Variants in NPAS3 observed in about 807,000 individuals in gnomAD.
NPAS3 encodes neuronal PAS domain-containing protein 3.
In NPAS3, 14 loss-of-function variants were observed where a neutral mutation model predicts 73.1. That is an observed-to-expected ratio of 0.19 (90% CI 0.13 to 0.30). The LOEUF (loss-of-function observed/expected upper bound fraction) is 0.30. NPAS3 is among the 10% of genes least tolerant of loss of function. NPAS3 has a pLI of 1.00. For missense variants in NPAS3, 1,096 were observed against 1,250.0 expected (o/e 0.88, Z 1.86); for synonymous variants, 620 against 541.5 (o/e 1.14, Z -2.01).
intron 3 of NPAS3, among the ~76,000 whole-genome samples, chr14:33,300,434 C>A (rs1417904432): frequency 6.6e-6 from 1 of 152,248 alleles, no homozygotes. Context: ...AACAAAACTA[C>A]TGTGATTGAA....
Position 33,335,037 on chromosome 14 carries a change from T to TGC in NPAS3, c.386-32148_386-32147insCG, listed in dbSNP as rs1555375980. ...TGGCTTAGTGGTATTCCATTGTGTG[T>TGC]GTGTGCGTGTGTGTGTGTGTGTGTG... On this transcript the variant is annotated intron_variant, in intron 3 of 11. Transcript: ENST00000356141. Among the ~76,000 whole-genome samples, 25 of 126,096 alleles carry TGC rather than the reference T, an allele frequency of 2.0e-4. No homozygotes were observed. In the East Asian group the frequency reaches 4.2e-3, roughly 21 times the overall value. The allele number at this position is 126,096 out of a possible 152,430, so 82.7% of individuals were successfully genotyped here.
intron 9 of NPAS3, among the ~76,000 whole-genome samples, chr14:33,789,393 G>A (rs1373602370): frequency 6.6e-6 from 1 of 152,118 alleles, no homozygotes; most frequent in Non-Finnish European, 1.5e-5. Context: ...GGCTTCAGAG[G>A]AGCAAGGAAC....
chr14:33,331,883 G>A (rs1299760937), intron 3 of NPAS3, among the ~76,000 whole-genome samples: 2 of 152,192 alleles, frequency 1.3e-5, no homozygotes, highest in Admixed American at 6.5e-5. Context: ...GTCCATATGT[G>A]TGCTCTTGGA....
chr14:33,653,369 A>C (rs2059054580), intron 5 of NPAS3, among the ~76,000 whole-genome samples: 1 of 152,220 alleles, frequency 6.6e-6, no homozygotes, highest in Admixed American at 6.5e-5. Context: ...TTTGGTTGTT[A>C]GACAAATAGA....
chr14:33,091,566 G>A (rs1212628533), intron 2 of NPAS3, among the ~76,000 whole-genome samples: 5 of 152,150 alleles, frequency 3.3e-5, no homozygotes, highest in Non-Finnish European at 5.9e-5. Context: ...GAGGTATAAG[G>A]AGGAGCTGGT....
intron 2 of NPAS3, among the ~76,000 whole-genome samples, chr14:33,212,818 C>G (rs952201508): frequency 6.6e-6 from 1 of 152,108 alleles, no homozygotes; most frequent in African/African-American, 2.4e-5. Flanking sequence ...TAAATACATT[C>G]GTGATCATTC....
chr14:33,568,311 C>A (rs2056061092), intron 5 of NPAS3, among the ~76,000 whole-genome samples: 1 of 152,108 alleles, frequency 6.6e-6, no homozygotes, highest in East Asian at 1.9e-4. Context: ...ATGTATTATT[C>A]ATGCAGGCGT....
chr14:33,762,215 G>A (rs1415719085), intron 7 of NPAS3, among the ~76,000 whole-genome samples: 2 of 151,898 alleles, frequency 1.3e-5, no homozygotes, highest in Non-Finnish European at 2.9e-5. Flanking sequence ...CATAAAAATT[G>A]GTCCCTTTGT....
At chr14:33,587,337 A>G (rs917402194) in intron 5 of NPAS3, among the ~76,000 whole-genome samples, 2 of 152,214 alleles carry the variant, frequency 1.3e-5, no homozygotes, top group Non-Finnish European at 2.9e-5. Context: ...AGATGTAGAA[A>G]TTCCTTAAGA....
chr14:33,109,266 A>T (rs1011319751), intron 2 of NPAS3, among the ~76,000 whole-genome samples: 2 of 152,148 alleles, frequency 1.3e-5, no homozygotes, highest in African/African-American at 4.8e-5. Flanking sequence ...AATTAGAGGA[A>T]AACTTTTAAA....
chr14:33,081,180 C>A (rs952363), intron 2 of NPAS3, among the ~76,000 whole-genome samples: 2 of 151,846 alleles, frequency 1.3e-5, no homozygotes, highest in African/African-American at 4.8e-5. Context: ...GTGGTATGGC[C>A]GTAGACTAGA....
intron 3 of NPAS3, among the ~76,000 whole-genome samples, chr14:33,255,410 G>A (rs895855864): frequency 3.3e-5 from 5 of 152,122 alleles, no homozygotes; most frequent in African/African-American, 1.2e-4. Context: ...CTCAATAGCT[G>A]TATTTTAGTA....
intron 4 of NPAS3, among the ~76,000 whole-genome samples, chr14:33,464,297 T>C (rs2050408132): frequency 6.6e-6 from 1 of 152,192 alleles, no homozygotes; most frequent in Non-Finnish European, 1.5e-5. Context: ...AGGTTCATTA[T>C]TATTGTTGTT....
Position 33,505,220 on chromosome 14 carries a change from G to A in NPAS3, c.469-54901G>A, listed in dbSNP as rs149380380. ...TATAGAGATTTAATATTTATTAACA[G>A]CTAAGAACTTATCTTATAATTTCAA... On this transcript the variant is annotated intron_variant, in intron 4 of 11. Transcript: ENST00000356141. Among the ~76,000 whole-genome samples the A allele has an allele frequency of 7.3e-3, 1,108 of 152,076 alleles. 17 individuals carry two copies. Among genetic ancestry groups the A allele is most frequent in the African/African-American group, 0.025 (1,056 of 41,508 alleles).
chr14:33,217,284 A>G (rs551717738), intron 3 of NPAS3, among the ~76,000 whole-genome samples: 2 of 152,266 alleles, frequency 1.3e-5, no homozygotes, highest in East Asian at 3.9e-4. Flanking sequence ...TAGAGACAAG[A>G]TTTGGATTTG....
chr14:33,717,146 CTGTACGATTGACATAAACTTATGAATTA>C (rs60555309), intron 6 of NPAS3, among the ~76,000 whole-genome samples: 32,779 of 149,522 alleles, frequency 0.22, 4,124 homozygotes, highest in Admixed American at 0.4. Context: ...TTGAAAACCA[CTGTACGATTGACATAAACTTATGAATTA>C]TGTAAGTTTG....
intron 5 of NPAS3, among the ~76,000 whole-genome samples, chr14:33,646,205 A>G (rs141372922): frequency 6.3e-4 from 96 of 152,240 alleles, no homozygotes; most frequent in African/African-American, 2.3e-3. Flanking sequence ...AAAAGGAAGG[A>G]GGGAAGGGAT....
At chr14:33,120,435 C>T (rs1160452313) in intron 2 of NPAS3, among the ~76,000 whole-genome samples, 1 of 152,146 alleles carries the variant, frequency 6.6e-6, no homozygotes, top group Non-Finnish European at 1.5e-5. Context: ...AGTCTGTTCT[C>T]ATTCACTGCA....
At chr14:32,960,854 C>A (rs1018875092) in intron 1 of NPAS3, among the ~76,000 whole-genome samples, 6 of 152,114 alleles carry the variant, frequency 3.9e-5, no homozygotes, top group African/African-American at 1.4e-4. Context: ...TTCATAAGAA[C>A]CCTGACAGCA....
Sources: gnomAD v4.1 joint callset for allele counts (sites outside exome capture counted in the v4.1 genomes callset) on GRCh38, gnomAD v4.1.1 for gene constraint, MANE v1.5 for transcripts, NCBI Gene and HGNC (gene_info 2026-07-23, HGNC 2026-07-21) for gene names.